The following ENPP6 variants were observed in gnomAD, a reference collection of about 807,000 sequenced individuals.
The protein encoded by ENPP6 is glycerophosphocholine cholinephosphodiesterase ENPP6.
ENPP6 carries 32 observed loss-of-function variants against 42.0 expected under a neutral mutation model. The observed-to-expected ratio is 0.76, with a 90% confidence interval of 0.58 to 1.02. ENPP6 has a LOEUF of 1.02. Among genes scored for constraint, ENPP6 ranks in the 50% least tolerant of loss-of-function variants. The probability of loss-of-function intolerance (pLI) is 0.00; values close to 1 mark genes in which losing one functional copy is unlikely to be tolerated. For missense variants in ENPP6, 552 were observed against 566.8 expected (o/e 0.97, Z 0.27); for synonymous variants, 213 against 216.0 (o/e 0.99, Z 0.12).
intron 6 of ENPP6, among the ~76,000 whole-genome samples, chr4:184,102,972 T>G (rs183227037): frequency 4.1e-4 from 63 of 152,378 alleles, no homozygotes; most frequent in Middle Eastern, 3.4e-3. Context: ...ATGGGCCATG[T>G]GAAAGGATGA....
intron 2 of ENPP6, among the ~76,000 whole-genome samples, chr4:184,131,196 TCTTTCTTC>T (rs1197816317): frequency 1.8e-4 from 10 of 54,402 alleles, no homozygotes; most frequent in African/African-American, 5.0e-4. Flanking sequence ...TTTCTTTCTT[TCTTTCTTC>T]TTTCTTTCTT....
At chr4:184,208,600 G>A (rs1028295835) in intron 1 of ENPP6, among the ~76,000 whole-genome samples, 22 of 151,460 alleles carry the variant, frequency 1.5e-4, no homozygotes, top group South Asian at 2.1e-4. Flanking sequence ...CGCCCACGGA[G>A]TCTCGCTGAT....
chr4:184,116,406 G>A (rs919247903), intron 5 of ENPP6, among the ~76,000 whole-genome samples: 4 of 152,172 alleles, frequency 2.6e-5, no homozygotes, highest in Non-Finnish European at 4.4e-5. Flanking sequence ...TCCAGCACCC[G>A]AGCTCCTGAC....
intron 2 of ENPP6, 132 bp downstream of exon 2, chr4:184,153,422 C>A (rs112079294): frequency 1.0e-5 from 11 of 1,072,944 alleles, no homozygotes; most frequent in African/African-American, 9.6e-5. Flanking sequence ...CCGTGCCCAG[C>A]CAATACATAT....
intron 1 of ENPP6, among the ~76,000 whole-genome samples, chr4:184,182,453 G>C (rs909987616): frequency 1.3e-5 from 2 of 152,124 alleles, no homozygotes; most frequent in African/African-American, 2.4e-5. Flanking sequence ...ATAGTGTGGC[G>C]ATTCTCCAAA....
At chr4:184,131,015 C>G (rs903811728) in intron 2 of ENPP6, among the ~76,000 whole-genome samples, 1 of 152,164 alleles carries the variant, frequency 6.6e-6, no homozygotes, top group East Asian at 1.9e-4. Flanking sequence ...CATAGGTATG[C>G]ATTTCTGTTA....
chr4:184,113,941 T>TTCTTTCTA (rs1553995055), intron 5 of ENPP6, among the ~76,000 whole-genome samples: 88 of 148,984 alleles, frequency 5.9e-4, no homozygotes, highest in African/African-American at 2.1e-3. Context: ...CTTTCTTTCT[T>TTCTTTCTA]TCTTTCTTTC....
chr4:184,141,668 C>G (rs761896775), intron 2 of ENPP6, among the ~76,000 whole-genome samples: 22 of 152,088 alleles, frequency 1.4e-4, no homozygotes, highest in Non-Finnish European at 2.9e-4. Flanking sequence ...ATTCCCATCT[C>G]GGGCAGTCTT....
At chr4:184,130,217 C>T (rs988635912) in intron 2 of ENPP6, among the ~76,000 whole-genome samples, 5 of 152,084 alleles carry the variant, frequency 3.3e-5, no homozygotes, top group African/African-American at 1.2e-4. Flanking sequence ...TATAGGGCAA[C>T]AAGCATGAGG....
chr4:184,138,477 C>T (rs1416902581), intron 2 of ENPP6, among the ~76,000 whole-genome samples: 2 of 152,190 alleles, frequency 1.3e-5, no homozygotes, highest in Admixed American at 1.3e-4. Flanking sequence ...CACTTTCCAA[C>T]ATTTACATCA....
chr4:184,114,645 C>A (rs1383209961), intron 5 of ENPP6, among the ~76,000 whole-genome samples: 2 of 152,062 alleles, frequency 1.3e-5, no homozygotes, highest in Non-Finnish European at 2.9e-5. Context: ...TGGCTGCCTG[C>A]AATGCCTGAC....
chr4:184,108,402 GAA>G (rs1425482894), intron 6 of ENPP6, among the ~76,000 whole-genome samples: 1 of 152,202 alleles, frequency 6.6e-6, no homozygotes, highest in Non-Finnish European at 1.5e-5. Context: ...CATTTGGGGA[GAA>G]GTTTAGCGAA....
At chr4:184,139,453 C>T (rs1414185668) in intron 2 of ENPP6, among the ~76,000 whole-genome samples, 2 of 146,928 alleles carry the variant, frequency 1.4e-5, no homozygotes, top group African/African-American at 2.5e-5. Flanking sequence ...TGCGCTGCAC[C>T]CACTAACTCG....
chr4:184,187,842 A>G (rs1732657397), intron 1 of ENPP6, among the ~76,000 whole-genome samples: 1 of 152,168 alleles, frequency 6.6e-6, no homozygotes, highest in Non-Finnish European at 1.5e-5. Flanking sequence ...AGAAGGTGAG[A>G]GATACTTCTT....
intron 2 of ENPP6, among the ~76,000 whole-genome samples, chr4:184,151,651 T>C (rs544943534): frequency 2.4e-4 from 36 of 152,326 alleles, no homozygotes; most frequent in African/African-American, 7.7e-4. Context: ...TTGATGCTCC[T>C]CAGATTTGTT....
intron 2 of ENPP6, among the ~76,000 whole-genome samples, chr4:184,131,256 TTC>T (rs1395909003): frequency 0.4 from 15,949 of 39,430 alleles, 1,991 homozygotes; most frequent in Non-Finnish European, 0.43. Context: ...TTCTTTCTCT[TTC>T]TCTTCCTTCC....
chr4:184,143,077 A>G (rs1736849261), intron 2 of ENPP6, among the ~76,000 whole-genome samples: 1 of 152,204 alleles, frequency 6.6e-6, no homozygotes, highest in South Asian at 2.1e-4. Flanking sequence ...GACTTTCTGC[A>G]CCACACGGTT....
chr4:184,212,583 T>C (rs1733130101), intron 1 of ENPP6, among the ~76,000 whole-genome samples: 1 of 151,046 alleles, frequency 6.6e-6, no homozygotes, highest in African/African-American at 2.5e-5. Context: ...GTCAACGAAA[T>C]AAAAGAGGAT....
chr4:184,116,731 C>T, intron 5 of ENPP6, 125 bp downstream of exon 5: 1 of 1,343,350 alleles, frequency 7.4e-7, no homozygotes, highest in African/African-American at 1.5e-5. Flanking sequence ...GAAACTCTGC[C>T]TCAAAAAAAG....
Sources: gnomAD v4.1 joint callset for allele counts (sites outside exome capture counted in the v4.1 genomes callset) on GRCh38, gnomAD v4.1.1 for gene constraint, MANE v1.5 for transcripts, NCBI Gene and HGNC (gene_info 2026-07-23, HGNC 2026-07-21) for gene names.